The following GSK3A variants were observed in gnomAD, a reference collection of about 807,000 sequenced individuals.
GSK3A encodes glycogen synthase kinase-3 alpha.
In GSK3A, 14 loss-of-function variants were observed where a neutral mutation model predicts 56.6. The observed-to-expected ratio is 0.25, with a 90% CI of 0.16 to 0.39. The LOEUF is 0.39. Ranked by LOEUF, GSK3A falls within the 10% of genes least tolerant of loss-of-function variation. The pLI is 1.00. For missense variants in GSK3A, 450 were observed against 656.0 expected (o/e 0.69, Z 3.43); for synonymous variants, 301 against 285.0 (o/e 1.06, Z -0.56).
chr19:42,234,314 A>T lies in GSK3A; in HGVS notation c.904+39T>A. The T allele has an allele frequency of 6.8e-7, 1 of 1,478,536 alleles. No individual in the cohort carries two copies. Among genetic ancestry groups the T allele is most frequent in the Non-Finnish European group, 9.5e-7 (1 of 1,056,672 alleles). 91.6% of individuals were successfully genotyped at this position (1,478,536 alleles called of 1,614,324 possible). A position where few individuals can be genotyped will look rare whatever the true frequency, so the allele number is the denominator to read the frequency against. On this transcript the variant is annotated intron_variant, in intron 6 of 10. Coordinates refer to ENST00000222330, the MANE Select transcript of GSK3A (RefSeq NM_019884.3). The surrounding 1 kb of genome is among the most constrained non-coding windows in gnomAD (Gnocchi z 5.7). ...CACACAGAAAACTCCAAAACTTCCC[A>T]GATTGCCACTCCCCCCGCCACCCTC...
Position 42,230,586 on chromosome 19 carries a change from TC to T in GSK3A, c.*207del. The T allele has an allele frequency of 1.7e-6, 1 of 587,556 alleles. No individual in the cohort carries two copies. 36.4% of individuals were successfully genotyped at this position (587,556 alleles called of 1,614,324 possible). On this transcript the variant is annotated 3_prime_UTR_variant, in exon 11 of 11. Coordinates refer to ENST00000222330, the MANE Select transcript of GSK3A (RefSeq NM_019884.3). The stretch of plus-strand genomic sequence containing the variant: ...CCCAACACCCTGTCCTTCTCTTCCC[TC>T]CCCACAACCAGTTAAAATCCTCTTA...
rs1483093907 is a variant in GSK3A at position 42,236,903 on chromosome 19, G to A, written c.510C>T (p.Cys170=). 2.5e-6 allele frequency: 4 copies of A among 1,613,032 alleles called. No individual in the cohort carries two copies. In the South Asian group the frequency reaches 4.4e-5, roughly 18 times the overall value. The change falls in exon 3 of 11, where the codon TGC becomes TGT. Residue 170 remains cysteine, a synonymous_variant. Coordinates refer to ENST00000222330, the MANE Select transcript of GSK3A (RefSeq NM_019884.3). ...ELQIMRKLDH[C]NIVRLRYFFY... ...AAAAGTATCTCAGCCTCACAATATT[G>A]CAGTGGTCCAGCTTACGCATGATCT... is the stretch of plus-strand genomic sequence containing the variant.
rs1352209914 is a variant in GSK3A, at chr19:42,242,373, TCCTCCG to T, written c.87_92del (p.Gly34_Gly35del). Reference sequence around the variant, plus strand: ...CCGAGCCTCCGGGGCCGCCGCCGCCTCCTCCGCCTCCGCCGCCGGGCTCCGCGAACG... The same window carrying T: ...CCGAGCCTCCGGGGCCGCCGCCGCCTCCTCCGCCGCCGGGCTCCGCGAACG... On this transcript the variant is annotated inframe_deletion, in exon 1 of 11. Transcript: ENST00000222330. The T allele has an allele frequency of 7.9e-6, 11 of 1,392,720 alleles. No homozygotes were observed. The highest frequency in any genetic ancestry group is 3.2e-5 in the East Asian group (1 of 31,552). The allele number at this position is 1,392,720 out of a possible 1,614,324, so 86.3% of individuals were successfully genotyped here. A position where few individuals can be genotyped will look rare whatever the true frequency, so the allele number is the denominator to read the frequency against.
At chr19:42,231,568 G>T (rs1314775719) in intron 10 of GSK3A, among the ~76,000 whole-genome samples, 1 of 152,110 alleles carries the variant, frequency 6.6e-6, no homozygotes. Context: ...ATCACCTGAA[G>T]TTCAAGACCA....
chr19:42,230,791 C>A lies in GSK3A; in HGVS notation c.*3G>T. On this transcript the variant is annotated 3_prime_UTR_variant, in exon 11 of 11. Transcript: ENST00000222330. Reference sequence around the variant, plus strand: ...GGAAGTGGAAGGGTGCTTGGTGGGGCCCTCAGGAGGAGTTAGTGAGGGTAG... The same window carrying A: ...GGAAGTGGAAGGGTGCTTGGTGGGGACCTCAGGAGGAGTTAGTGAGGGTAG... 1.9e-6 allele frequency: 3 copies of A among 1,555,140 alleles called. No homozygotes were observed. Among genetic ancestry groups the A allele is most frequent in the Admixed American group, 1.9e-5 (1 of 51,846 alleles).
At chr19:42,237,301 G>A (rs1206697155) in intron 2 of GSK3A, among the ~76,000 whole-genome samples, 1 of 151,750 alleles carries the variant, frequency 6.6e-6, no homozygotes, top group Non-Finnish European at 1.5e-5. Context: ...TGGGATTACA[G>A]GCATGCACCA....
chr19:42,232,457 AC>A lies in GSK3A; in HGVS notation c.1285+38del, dbSNP rs1263764354. The A allele has an allele frequency of 2.5e-6, 4 of 1,591,702 alleles. No homozygotes were observed. The African/African-American group carries it at 5.4e-5, about 21-fold the overall frequency. On this transcript the variant is annotated intron_variant, in intron 9 of 10. Coordinates refer to ENST00000222330, the MANE Select transcript of GSK3A (RefSeq NM_019884.3). ...CCTCACAATCTTTGGCTGCCCCCCT[AC>A]CCCGCCCCACTCCCCAGATCCCAGG...
At chr19:42,239,079 G>A (rs1485602771) in intron 2 of GSK3A, among the ~76,000 whole-genome samples, 1 of 152,108 alleles carries the variant, frequency 6.6e-6, no homozygotes, top group African/African-American at 2.4e-5. Flanking sequence ...GAAGCATCTG[G>A]GTCCTCGAAC....
rs544703134 is a variant in GSK3A at position 42,232,199 on chromosome 19, T to C, written c.1286-50A>G. 5.2e-6 allele frequency: 6 copies of C among 1,163,696 alleles called. No individual in the cohort carries two copies. In the East Asian group the frequency reaches 1.2e-4, roughly 23 times the overall value. The allele number at this position is 1,163,696 out of a possible 1,614,324, so 72.1% of individuals were successfully genotyped here. A position where few individuals can be genotyped will look rare whatever the true frequency, so the allele number is the denominator to read the frequency against. On this transcript the variant is annotated intron_variant, in intron 9 of 10. Coordinates refer to ENST00000222330, the MANE Select transcript of GSK3A (RefSeq NM_019884.3). The stretch of plus-strand genomic sequence containing the variant: ...GTCAGGGTAGACTACAGCAGGGTTA[T>C]GATGGGCACCAAATGGGAACCCAGC...
intron 3 of GSK3A, 61 bp downstream of exon 3, chr19:42,236,797 G>A: frequency 2.0e-6 from 3 of 1,493,654 alleles, no homozygotes; most frequent in South Asian, 2.3e-5. Context: ...AGCAGTGGGG[G>A]AAAGGCAGGC....
chr19:42,242,163 C>A lies in GSK3A; in HGVS notation c.283+20G>T. 7.4e-7 allele frequency: 1 copy of A among 1,358,510 alleles called. No homozygotes were observed. Among genetic ancestry groups the A allele is most frequent in the Admixed American group, 3.5e-5 (1 of 28,878 alleles). The allele number at this position is 1,358,510 out of a possible 1,614,324, so 84.2% of individuals were successfully genotyped here. On this transcript the variant is annotated intron_variant, in intron 1 of 10. Transcript: ENST00000222330. ...TGGGAACCCTAATCACCACCCTACA[C>A]GGGCGCCACTAGTACTCACGGCCCA...
Position 42,242,557 on chromosome 19 carries a change from C to T in GSK3A, c.-92G>A. 1.0e-6 allele frequency: 1 copy of T among 969,600 alleles called. No individual in the cohort carries two copies. The highest frequency in any genetic ancestry group is 1.3e-6 in the Non-Finnish European group (1 of 788,910). The allele number at this position is 969,600 out of a possible 1,614,324, so 60.1% of individuals were successfully genotyped here. ...CGCCGCCTCCCCCGGGCCCTGGCCT[C>T]TTCCAGGCCGCGCCGCTCTGGCTTG... On this transcript the variant is annotated 5_prime_UTR_variant, in exon 1 of 11. Coordinates refer to ENST00000222330, the MANE Select transcript of GSK3A (RefSeq NM_019884.3).
At chr19:42,239,291 G>A (rs542077478) in intron 2 of GSK3A, among the ~76,000 whole-genome samples, 3 of 152,332 alleles carry the variant, frequency 2.0e-5, no homozygotes, top group East Asian at 1.9e-4. Flanking sequence ...TGCCAAGACC[G>A]AGGCCCTGGT....
rs2036243830 is a variant in GSK3A, at chr19:42,234,474, G to A, written c.798-15C>T. 2 of 1,613,776 alleles carry A rather than the reference G, an allele frequency of 1.2e-6. No individual in the cohort carries two copies. Among genetic ancestry groups the A allele is most frequent in the Non-Finnish European group, 1.7e-6 (2 of 1,179,664 alleles). On this transcript the variant is annotated splice_polypyrimidine_tract_variant and intron_variant, in intron 5 of 10. Transcript: ENST00000222330. This position sits in a 1 kb window ranked among gnomAD's most constrained non-coding sequence, Gnocchi z 5.7. ...ACTGCTTTGCACTGTGGGAAGAGATGGGCAGGGGTACACGTGAGGCAAGGG... is the reference window on the plus strand; with the variant it reads ...ACTGCTTTGCACTGTGGGAAGAGATAGGCAGGGGTACACGTGAGGCAAGGG...
At chr19:42,241,972 T>C (rs978445626) in intron 1 of GSK3A, 12 of 409,276 alleles carry the variant, frequency 2.9e-5, no homozygotes, top group Non-Finnish European at 4.6e-5. Flanking sequence ...TTTCTTTAAG[T>C]GTTAGTAATT....
chr19:42,232,760 G>T, intron 8 of GSK3A, 78 bp from the exon 9 acceptor site: 3 of 1,226,832 alleles, frequency 2.4e-6, no homozygotes, highest in Non-Finnish European at 3.4e-6. Context: ...CTGCCACAGT[G>T]CCTGCGGCAA....
intron 9 of GSK3A, 92 bp downstream of exon 9, chr19:42,232,404 C>T: frequency 1.7e-6 from 2 of 1,210,186 alleles, no homozygotes; most frequent in East Asian, 2.5e-5. Flanking sequence ...CTGCCCTTAG[C>T]TCCCCACTCC....
chr19:42,236,193 TC>T (rs2036255844), intron 4 of GSK3A, among the ~76,000 whole-genome samples: 1 of 152,230 alleles, frequency 6.6e-6, no homozygotes, highest in South Asian at 2.1e-4. Context: ...ATGCTAACCT[TC>T]CTCCAGCCCT....
chr19:42,242,589 G>C lies in GSK3A; in HGVS notation c.-124C>G. 1.2e-6 allele frequency: 1 copy of C among 840,714 alleles called. No individual in the cohort carries two copies. The highest frequency in any genetic ancestry group is 1.6e-6 in the Non-Finnish European group (1 of 640,084). The allele number at this position is 840,714 out of a possible 1,614,324, so 52.1% of individuals were successfully genotyped here. A position where few individuals can be genotyped will look rare whatever the true frequency, so the allele number is the denominator to read the frequency against. ...GCCGCGCCGCTCTGGCTTGGGCTCC[G>C]GCTCCGGCCCAGCGCCCGCCGCGGG... On this transcript the variant is annotated 5_prime_UTR_variant, in exon 1 of 11. Coordinates refer to ENST00000222330, the MANE Select transcript of GSK3A (RefSeq NM_019884.3).
Sources: gnomAD v4.1 joint callset for allele counts (sites outside exome capture counted in the v4.1 genomes callset) on GRCh38, gnomAD v4.1.1 for gene constraint, Gnocchi (gnomAD v3.1) non-coding constraint, MANE v1.5 for transcripts, NCBI Gene and HGNC (gene_info 2026-07-23, HGNC 2026-07-21) for gene names.